RNGTT: variants seen among roughly 807,000 people sequenced by gnomAD.
RNGTT encodes the protein mRNA-capping enzyme.
RNGTT carries 33 observed loss-of-function variants against 79.3 expected under a neutral mutation model. The observed-to-expected ratio is 0.42, with a 90% CI of 0.32 to 0.56. The LOEUF (loss-of-function observed/expected upper bound fraction) is 0.56. RNGTT is among the 20% of genes least tolerant of loss of function. RNGTT has a pLI of 0.17. For missense variants in RNGTT, 497 were observed against 739.1 expected, an observed-to-expected ratio of 0.67 and a Z score of 3.80; for synonymous variants, 222 against 235.9, an observed-to-expected ratio of 0.94 and a Z score of 0.54.
chr6:88,932,473 C>A (rs1051513750), intron 2 of RNGTT, among the ~76,000 whole-genome samples: 1 of 152,154 alleles, frequency 6.6e-6, no homozygotes, highest in African/African-American at 2.4e-5. Flanking sequence ...ACACTCCCTC[C>A]CCTTTGAAAA....
At chr6:88,852,187 T>A (rs1781696339) in intron 9 of RNGTT, among the ~76,000 whole-genome samples, 1 of 152,078 alleles carries the variant, frequency 6.6e-6, no homozygotes, top group Non-Finnish European at 1.5e-5. Context: ...CCATTCATTC[T>A]CCACCCTGCT....
intron 11 of RNGTT, among the ~76,000 whole-genome samples, chr6:88,806,463 C>T (rs535758028): frequency 1.3e-4 from 19 of 151,656 alleles, no homozygotes; most frequent in Middle Eastern, 3.4e-3. Flanking sequence ...ATTACAGGCG[C>T]GCACCACCAC....
chr6:88,660,971 T>G (rs921000811), intron 14 of RNGTT, among the ~76,000 whole-genome samples: 2 of 152,272 alleles, frequency 1.3e-5, no homozygotes, highest in African/African-American at 4.8e-5. Context: ...AAGTACTTTC[T>G]CAGACCACAG....
intron 11 of RNGTT, among the ~76,000 whole-genome samples, chr6:88,814,920 A>C (rs1780267066): frequency 1.3e-5 from 2 of 152,210 alleles, no homozygotes; most frequent in Admixed American, 1.3e-4. Flanking sequence ...CTCTGTTTAA[A>C]TAGGTGTGTT....
intron 4 of RNGTT, among the ~76,000 whole-genome samples, chr6:88,908,875 G>A (rs998861178): frequency 2.6e-5 from 4 of 152,146 alleles, no homozygotes; most frequent in Non-Finnish European, 5.9e-5. Flanking sequence ...CTGCAAGACA[G>A]TGCCCACAGA....
intron 14 of RNGTT, among the ~76,000 whole-genome samples, chr6:88,623,817 T>C (rs1772526165): frequency 6.6e-6 from 1 of 152,002 alleles, no homozygotes; most frequent in Non-Finnish European, 1.5e-5. Flanking sequence ...ATTACTTACA[T>C]AGAAGGATAT....
At chr6:88,716,258 C>A (rs1330061068) in intron 13 of RNGTT, among the ~76,000 whole-genome samples, 1 of 151,844 alleles carries the variant, frequency 6.6e-6, no homozygotes, top group African/African-American at 2.4e-5. Flanking sequence ...AAATCAAAAC[C>A]ACAATGAGAT....
chr6:88,766,271 C>G (rs921878997), intron 13 of RNGTT, among the ~76,000 whole-genome samples: 1 of 152,072 alleles, frequency 6.6e-6, no homozygotes, highest in South Asian at 2.1e-4. Context: ...AAATACTATT[C>G]TATACAAATA....
At chr6:88,956,854 C>T (rs534629645) in intron 1 of RNGTT, among the ~76,000 whole-genome samples, 11 of 152,110 alleles carry the variant, frequency 7.2e-5, no homozygotes, top group South Asian at 6.2e-4. Flanking sequence ...GCCTGGCCAA[C>T]GTGGTGAAAC....
chr6:88,678,179 AGACAGG>A, intron 14 of RNGTT, 168 bp downstream of exon 14: 1 of 1,245,952 alleles, frequency 8.0e-7, no homozygotes. Context: ...CTTTTTGTAG[AGACAGG>A]GTTCCCAGCA....
chr6:88,660,336 G>A (rs148938213), intron 14 of RNGTT, among the ~76,000 whole-genome samples: 3,534 of 152,180 alleles, frequency 0.023, 155 homozygotes, highest in African/African-American at 0.079. Context: ...TGGCCAAAAT[G>A]CTCCACTTAA....
Position 88,853,626 on chromosome 6 carries a change from T to C in RNGTT, c.1032+3A>G. Reference sequence around the variant, plus strand: ...TTTTATAGTATACATAAATATGACTTACGCCATCCAAGAGAGTATTTGATA... The same window carrying C: ...TTTTATAGTATACATAAATATGACTCACGCCATCCAAGAGAGTATTTGATA... On this transcript the variant is annotated splice_donor_region_variant and intron_variant, in intron 9 of 15. Coordinates refer to ENST00000369485, the MANE Select transcript of RNGTT (RefSeq NM_003800.5). 1 of 1,566,616 alleles carries C rather than the reference T, an allele frequency of 6.4e-7. No individual in the cohort carries two copies. Among genetic ancestry groups the C allele is most frequent in the Non-Finnish European group, 8.7e-7 (1 of 1,151,850 alleles).
At chr6:88,641,333 T>A (rs1773311613) in intron 14 of RNGTT, among the ~76,000 whole-genome samples, 1 of 134,474 alleles carries the variant, frequency 7.4e-6, no homozygotes, top group African/African-American at 3.5e-5. Context: ...AGTGAGACTC[T>A]GTCTTAAAAA....
At chr6:88,816,829 T>C (rs1048980582) in intron 11 of RNGTT, among the ~76,000 whole-genome samples, 2 of 152,128 alleles carry the variant, frequency 1.3e-5, no homozygotes, top group African/African-American at 4.8e-5. Context: ...ATATGAGTAC[T>C]TAAAATTTCA....
intron 13 of RNGTT, among the ~76,000 whole-genome samples, chr6:88,762,388 A>G (rs1778298504): frequency 6.6e-6 from 1 of 152,228 alleles, no homozygotes; most frequent in African/African-American, 2.4e-5. Context: ...AAAAATTAGT[A>G]CCACCATCAG....
intron 14 of RNGTT, among the ~76,000 whole-genome samples, chr6:88,655,147 T>C (rs932355013): frequency 6.6e-6 from 1 of 152,180 alleles, no homozygotes; most frequent in African/African-American, 2.4e-5. Flanking sequence ...AACCAAATCA[T>C]TACTAATAGG....
chr6:88,752,671 TTTAGAAGTGGGAATTCTCCACATTTCA>T (rs1262080176), intron 13 of RNGTT, among the ~76,000 whole-genome samples: 8 of 152,158 alleles, frequency 5.3e-5, no homozygotes, highest in African/African-American at 1.9e-4. Flanking sequence ...CAAATATGTT[TTTAGAAGTGGGAATTCTCCACATTTCA>T]AGATTTCACC....
intron 14 of RNGTT, among the ~76,000 whole-genome samples, chr6:88,638,497 C>T (rs1244623068): frequency 2.6e-5 from 4 of 152,034 alleles, no homozygotes; most frequent in Admixed American, 6.6e-5. Context: ...TATGGATGAT[C>T]TATTATCTCT....
At chr6:88,784,452 G>T (rs958151911) in intron 12 of RNGTT, among the ~76,000 whole-genome samples, 1 of 152,130 alleles carries the variant, frequency 6.6e-6, no homozygotes, top group African/African-American at 2.4e-5. Context: ...CTTCCTCAAG[G>T]AAGCACATCT....
Sources: allele counts gnomAD v4.1 joint callset (sites outside exome capture counted in the v4.1 genomes callset), GRCh38; gene constraint gnomAD v4.1.1; transcripts MANE v1.5; gene names NCBI Gene and HGNC (gene_info 2026-07-23, HGNC 2026-07-21).